MYO16: variants seen among roughly 807,000 people sequenced by gnomAD.
The protein encoded by MYO16 is unconventional myosin-XVI.
In MYO16, 94 loss-of-function variants were observed where a neutral mutation model predicts 205.3. The ratio of observed to expected loss-of-function variants is 0.46; its 90% confidence interval spans 0.39 to 0.54. The LOEUF is 0.54. Among genes scored for constraint, MYO16 ranks in the 20% least tolerant of loss-of-function variants. MYO16 has a pLI of 0.00. For synonymous variants in MYO16, 988 were observed against 954.0 expected (o/e 1.04, Z -0.66); for missense variants, 2,315 against 2,387.5 (o/e 0.97, Z 0.63).
In MYO16 at chr13:108,793,621, A is replaced by G. The variant is rs1245436424; in HGVS notation, c.722A>G (p.Asn241Ser). ...TCTGGAGGAAATGTCAATGAGAAAAACGATGAAGGAGTAACCCTGGTAAGT... is the reference window on the plus strand; with the variant it reads ...TCTGGAGGAAATGTCAATGAGAAAAGCGATGAAGGAGTAACCCTGGTAAGT... ...LSSGGNVNEK[N>S]DEGVTLLHMA... Residue 241 changes from asparagine (N) to serine (S), a missense_variant, in exon 6 of 35, where the codon AAC (asparagine) becomes AGC (serine). Transcript: ENST00000457511. 3 of 1,613,700 alleles carry G rather than the reference A, an allele frequency of 1.9e-6. No individual in the cohort carries two copies. In the African/African-American group the frequency reaches 4.0e-5, roughly 22 times the overall value.
chr13:108,709,380 T>G (rs916510308), intron 2 of MYO16, among the ~76,000 whole-genome samples: 1 of 152,006 alleles, frequency 6.6e-6, no homozygotes, highest in Non-Finnish European at 1.5e-5. Flanking sequence ...TACTCTCTGA[T>G]GCCGTTTGGG....
intron 28 of MYO16, among the ~76,000 whole-genome samples, chr13:109,103,813 G>A (rs139378443): frequency 2.0e-5 from 3 of 152,196 alleles, no homozygotes; most frequent in East Asian, 1.9e-4. Context: ...TTTGTATGCC[G>A]ATCTATGCAC....
At chr13:109,136,104 T>G (rs1352956084) in intron 31 of MYO16, among the ~76,000 whole-genome samples, 5 of 151,820 alleles carry the variant, frequency 3.3e-5, no homozygotes. Context: ...CTTCCTTTTT[T>G]TGTTTTTGAG....
the MYO16 span, among the ~76,000 whole-genome samples, chr13:108,586,965 G>A: frequency 3.2e-3 from 494 of 152,254 alleles, 1 homozygote; most frequent in Middle Eastern, 6.8e-3. Context: ...AAACACCAGC[G>A]GTTCACTCTA....
At chr13:108,962,172 C>T (rs1883613469) in intron 18 of MYO16, among the ~76,000 whole-genome samples, 1 of 152,132 alleles carries the variant, frequency 6.6e-6, no homozygotes, top group South Asian at 2.1e-4. Context: ...AATTCCATAC[C>T]ATCTGTGAGG....
At chr13:108,938,564 G>A (rs1055241272) in intron 16 of MYO16, among the ~76,000 whole-genome samples, 1 of 152,226 alleles carries the variant, frequency 6.6e-6, no homozygotes, top group African/African-American at 2.4e-5. Flanking sequence ...AGAGAGATGT[G>A]GGGGTGGCCT....
chr13:108,577,855 C>T, the MYO16 span, among the ~76,000 whole-genome samples: 5 of 152,050 alleles, frequency 3.3e-5, no homozygotes, highest in Non-Finnish European at 5.9e-5. Flanking sequence ...TAAACTTGCC[C>T]CTTTTACCCC....
the MYO16 span, among the ~76,000 whole-genome samples, chr13:108,551,408 C>A: frequency 1.3e-5 from 2 of 152,176 alleles, no homozygotes; most frequent in Non-Finnish European, 2.9e-5. Flanking sequence ...TCTCTCTAAG[C>A]CTCATCTTTA....
chr13:108,596,115 G>A (rs1462144303), upstream of MYO16: 2 of 151,718 alleles, frequency 1.3e-5, no homozygotes, highest in African/African-American at 4.8e-5. Context: ...GGTGGGGACG[G>A]GGGAGGGATG....
At chr13:108,570,692 A>G in the MYO16 span, among the ~76,000 whole-genome samples, 2 of 152,332 alleles carry the variant, frequency 1.3e-5, no homozygotes, top group Non-Finnish European at 2.9e-5. Context: ...TACTAAATCC[A>G]TGCATATTTC....
intron 27 of MYO16, chr13:109,056,150 T>C (rs1887413204): frequency 1.3e-5 from 2 of 153,816 alleles, no homozygotes; most frequent in African/African-American, 4.8e-5. Flanking sequence ...AAATGTTTCT[T>C]ATCTGCCCCT....
chr13:108,920,588 A>T (rs1013549167), intron 16 of MYO16, among the ~76,000 whole-genome samples: 3 of 152,144 alleles, frequency 2.0e-5, no homozygotes, highest in Non-Finnish European at 4.4e-5. Flanking sequence ...CCTCCCGAGT[A>T]GCTGGGATTA....
the MYO16 span, among the ~76,000 whole-genome samples, chr13:108,500,221 G>GTTTTT: frequency 5.7e-5 from 1 of 17,406 alleles, no homozygotes; most frequent in African/African-American, 2.3e-4. Flanking sequence ...TTTTTTTTTT[G>GTTTTT]TTTTTTTTTT....
At chr13:108,797,377 T>C (rs1238634292) in intron 6 of MYO16, among the ~76,000 whole-genome samples, 1 of 152,206 alleles carries the variant, frequency 6.6e-6, no homozygotes, top group Non-Finnish European at 1.5e-5. Flanking sequence ...AAGTCACTAC[T>C]TGTATGCAGA....
At position 108,912,045 on chromosome 13, in the gene MYO16, A is replaced by G. The variant is rs561149589; in HGVS notation, c.1925+1895A>G. On this transcript the variant is annotated intron_variant, in intron 16 of 34. Transcript: ENST00000457511. ...CTGGTTTTAAGACAGCAAGGTGGAG[A>G]TGCAGGAGTGTCAGCAGGGTACTGG... 2.0e-5 allele frequency among the ~76,000 whole-genome samples: 3 copies of G among 152,262 alleles called. No individual in the cohort carries two copies. The South Asian group carries it at 6.2e-4, about 32-fold the overall frequency.
chr13:108,612,783 G>C (rs930264662), intron 1 of MYO16, among the ~76,000 whole-genome samples: 5 of 152,106 alleles, frequency 3.3e-5, no homozygotes, highest in Admixed American at 6.6e-5. Flanking sequence ...AACTCTTCAA[G>C]AGTGATACCT....
intron 34 of MYO16, among the ~76,000 whole-genome samples, chr13:109,191,171 A>T (rs1201306632): frequency 1.3e-5 from 2 of 152,002 alleles, no homozygotes; most frequent in East Asian, 1.9e-4. Context: ...GTGAGCCAAG[A>T]TCGCGCCACT....
chr13:108,872,329 TA>T (rs1205691966), intron 12 of MYO16, among the ~76,000 whole-genome samples: 1 of 152,172 alleles, frequency 6.6e-6, no homozygotes, highest in Non-Finnish European at 1.5e-5. Flanking sequence ...TTTAACATAA[TA>T]TTTTTTATAG....
chr13:108,520,118 T>G, the MYO16 span, among the ~76,000 whole-genome samples: 4 of 152,126 alleles, frequency 2.6e-5, no homozygotes, highest in Non-Finnish European at 5.9e-5. Context: ...CTTGTCTCCT[T>G]CCCTCTCTCC....
Sources: gnomAD v4.1 joint callset for allele counts (sites outside exome capture counted in the v4.1 genomes callset) on GRCh38, gnomAD v4.1.1 for gene constraint, MANE v1.5 for transcripts, NCBI Gene and HGNC (gene_info 2026-07-23, HGNC 2026-07-21) for gene names.